The following SGCD variants were observed in gnomAD, a reference collection of about 807,000 sequenced individuals.
SGCD encodes the protein sarcoglycan delta.
In SGCD, 18 loss-of-function variants were observed where a neutral mutation model predicts 36.6. That is an observed-to-expected ratio of 0.49 (90% CI 0.34 to 0.73). The LOEUF is 0.73. Among genes scored for constraint, SGCD ranks in the 30% least tolerant of loss-of-function variants. The probability of loss-of-function intolerance (pLI) is 0.01; values close to 1 mark genes in which losing one functional copy is unlikely to be tolerated. For synonymous variants in SGCD, 133 were observed against 130.6 expected (o/e 1.02, Z -0.12); for missense variants, 387 against 346.7 (o/e 1.12, Z -0.92).
chr5:156,605,762 C>A (rs1346325178), intron 6 of SGCD, among the ~76,000 whole-genome samples: 1 of 152,164 alleles, frequency 6.6e-6, no homozygotes, highest in Non-Finnish European at 1.5e-5. Flanking sequence ...GAGAGGGTAT[C>A]TCATTGTGGT....
chr5:155,774,264 G>T, the SGCD span, among the ~76,000 whole-genome samples: 1 of 152,040 alleles, frequency 6.6e-6, no homozygotes, highest in Non-Finnish European at 1.5e-5. Flanking sequence ...ACAATTTTCA[G>T]CAATTTCTAC....
the SGCD span, among the ~76,000 whole-genome samples, chr5:155,808,208 T>C: frequency 1.3e-5 from 2 of 152,214 alleles, no homozygotes; most frequent in Admixed American, 6.5e-5. Context: ...CGTCTTGATT[T>C]TGTGATTTAT....
chr5:156,581,749 C>T (rs923453722), intron 4 of SGCD, among the ~76,000 whole-genome samples: 2 of 152,196 alleles, frequency 1.3e-5, no homozygotes, highest in Non-Finnish European at 2.9e-5. Flanking sequence ...TATAACCTCC[C>T]GGTGTGCCAT....
chr5:156,044,775 G>A (rs1449331529), intron 1 of SGCD, among the ~76,000 whole-genome samples: 2 of 152,022 alleles, frequency 1.3e-5, no homozygotes, highest in Non-Finnish European at 2.9e-5. Flanking sequence ...ACTCAGAGAA[G>A]CAAAATTAAA....
chr5:155,937,284 A>G (rs953124761), intron 1 of SGCD, among the ~76,000 whole-genome samples: 2 of 152,192 alleles, frequency 1.3e-5, no homozygotes, highest in African/African-American at 2.4e-5. Flanking sequence ...TGCAGCCAGC[A>G]TCTTGGCAGC....
At chr5:155,729,418 T>G in the SGCD span, among the ~76,000 whole-genome samples, 1 of 152,170 alleles carries the variant, frequency 6.6e-6, no homozygotes, top group African/African-American at 2.4e-5. Context: ...AAGAAGTGTG[T>G]GTGTGAGAGA....
At chr5:156,163,140 C>T (rs1050927274) in intron 3 of SGCD, among the ~76,000 whole-genome samples, 2 of 151,566 alleles carry the variant, frequency 1.3e-5, no homozygotes, top group Non-Finnish European at 2.9e-5. Flanking sequence ...CTCATTGATC[C>T]ATGATAAACT....
chr5:155,975,908 G>T (rs1758104179), intron 1 of SGCD, among the ~76,000 whole-genome samples: 2 of 151,860 alleles, frequency 1.3e-5, no homozygotes, highest in South Asian at 4.2e-4. Context: ...GGGATTACAG[G>T]CGTGAGCCAC....
At chr5:156,576,329 G>A (rs1043736859) in intron 4 of SGCD, among the ~76,000 whole-genome samples, 5 of 152,282 alleles carry the variant, frequency 3.3e-5, no homozygotes, top group African/African-American at 9.6e-5. Flanking sequence ...TATCATTGAT[G>A]GACATTTGGG....
At chr5:156,214,393 T>C (rs1581172369) in intron 3 of SGCD, among the ~76,000 whole-genome samples, 1 of 151,778 alleles carries the variant, frequency 6.6e-6, no homozygotes, top group East Asian at 1.9e-4. Flanking sequence ...AGGATAAAAT[T>C]TAACCCAGGA....
At chr5:155,976,283 G>T (rs991198409) in intron 1 of SGCD, among the ~76,000 whole-genome samples, 1 of 152,090 alleles carries the variant, frequency 6.6e-6, no homozygotes, top group African/African-American at 2.4e-5. Flanking sequence ...AATATGAGGG[G>T]AGTATTGCAG....
At chr5:155,994,713 T>C (rs1758503780) in intron 1 of SGCD, among the ~76,000 whole-genome samples, 1 of 152,222 alleles carries the variant, frequency 6.6e-6, no homozygotes, top group African/African-American at 2.4e-5. Flanking sequence ...GAAACAATTT[T>C]TAAATGGTTC....
intron 3 of SGCD, among the ~76,000 whole-genome samples, chr5:156,475,971 G>A (rs373012580): frequency 1.6e-4 from 24 of 152,346 alleles, no homozygotes; most frequent in African/African-American, 5.1e-4. Context: ...GGGCTGCAGA[G>A]TGAGAAATCA....
At chr5:156,393,537 G>A (rs62380728) in intron 3 of SGCD, among the ~76,000 whole-genome samples, 26,289 of 152,168 alleles carry the variant, frequency 0.17, 2,389 homozygotes, top group South Asian at 0.25. Flanking sequence ...TTGTATCTGT[G>A]TAGCGGTGGA....
intron 1 of SGCD, among the ~76,000 whole-genome samples, chr5:155,969,314 G>A (rs114227216): frequency 1.2e-3 from 182 of 152,184 alleles, no homozygotes; most frequent in Non-Finnish European, 1.9e-3. Context: ...GAGTAATGTT[G>A]GGCAAAGGTA....
chr5:156,088,446 G>A (rs998159968), intron 1 of SGCD, among the ~76,000 whole-genome samples: 9 of 152,020 alleles, frequency 5.9e-5, no homozygotes, highest in Admixed American at 2.0e-4. Flanking sequence ...GTGTGGCCAG[G>A]CATTTTCCTG....
chr5:156,449,352 C>T (rs941921719), intron 3 of SGCD, among the ~76,000 whole-genome samples: 7 of 152,002 alleles, frequency 4.6e-5, no homozygotes, highest in East Asian at 1.9e-4. Context: ...TTTGTAAGGG[C>T]GGAACTAAGT....
intron 1 of SGCD, among the ~76,000 whole-genome samples, chr5:156,101,581 GT>G (rs1761516905): frequency 6.6e-6 from 1 of 152,042 alleles, no homozygotes; most frequent in Non-Finnish European, 1.5e-5. Context: ...TATATCTTTT[GT>G]ATTTGAAAAT....
At chr5:155,919,162 A>G (rs183802174) in intron 1 of SGCD, among the ~76,000 whole-genome samples, 1 of 152,312 alleles carries the variant, frequency 6.6e-6, no homozygotes, top group Admixed American at 6.5e-5. Flanking sequence ...ACAGAGTAGA[A>G]TTTTAGAGCT....
Sources: allele counts gnomAD v4.1 joint callset (sites outside exome capture counted in the v4.1 genomes callset), GRCh38; gene constraint gnomAD v4.1.1; transcripts MANE v1.5; gene names NCBI Gene and HGNC (gene_info 2026-07-23, HGNC 2026-07-21).